The following CNTN4 variants were observed in gnomAD, a reference collection of about 807,000 sequenced individuals.
CNTN4 encodes contactin 4.
CNTN4 carries 77 observed loss-of-function variants against 122.5 expected under a neutral mutation model. The observed-to-expected ratio is 0.63, with a 90% CI of 0.52 to 0.76. The LOEUF is 0.76. Ranked by LOEUF, CNTN4 falls within the 30% of genes least tolerant of loss-of-function variation. The pLI, the probability that CNTN4 is intolerant of heterozygous loss-of-function variation, is 0.00. For missense variants in CNTN4, 1,256 were observed against 1,259.1 expected (o/e 1.00, Z 0.04); for synonymous variants, 512 against 447.0 (o/e 1.15, Z -1.83).
chr3:2,455,521 C>T (rs2048967083), intron 3 of CNTN4, among the ~76,000 whole-genome samples: 1 of 152,062 alleles, frequency 6.6e-6, no homozygotes, highest in African/African-American at 2.4e-5. Flanking sequence ...TACTTTACTT[C>T]CCATTACCGG....
chr3:2,546,602 T>A (rs2078255298), intron 3 of CNTN4, among the ~76,000 whole-genome samples: 1 of 152,080 alleles, frequency 6.6e-6, no homozygotes, highest in Non-Finnish European at 1.5e-5. Context: ...ACACACAGTT[T>A]ACCTATGTAA....
intron 6 of CNTN4, among the ~76,000 whole-genome samples, chr3:2,748,826 C>G (rs879502861): frequency 6.6e-6 from 1 of 152,118 alleles, no homozygotes; most frequent in Non-Finnish European, 1.5e-5. Flanking sequence ...TAGATCATTC[C>G]GCTTCCCTGC....
At chr3:2,381,621 C>G (rs1276197396) in intron 3 of CNTN4, among the ~76,000 whole-genome samples, 1 of 152,122 alleles carries the variant, frequency 6.6e-6, no homozygotes, top group African/African-American at 2.4e-5. Context: ...CCTTCTAAGT[C>G]TGTAGGTTAA....
chr3:2,745,718 G>C, intron 6 of CNTN4, 21 bp downstream of exon 6: 1 of 1,610,586 alleles, frequency 6.2e-7, no homozygotes, highest in Non-Finnish European at 8.5e-7. Context: ...ATTATACAAT[G>C]CTGCAAATGT....
chr3:2,773,652 G>A (rs918200220), intron 6 of CNTN4, among the ~76,000 whole-genome samples: 1 of 152,018 alleles, frequency 6.6e-6, no homozygotes, highest in South Asian at 2.1e-4. Context: ...CCTTGTCTAT[G>A]GATGGCAACT....
chr3:2,637,762 G>C (rs1181234917), intron 4 of CNTN4, among the ~76,000 whole-genome samples: 1 of 152,094 alleles, frequency 6.6e-6, no homozygotes, highest in African/African-American at 2.4e-5. Context: ...CCTAACCTCT[G>C]ATGTCCCTCT....
At chr3:2,415,798 C>CT (rs1053296504) in intron 3 of CNTN4, among the ~76,000 whole-genome samples, 20 of 151,908 alleles carry the variant, frequency 1.3e-4, no homozygotes, top group African/African-American at 3.4e-4. Flanking sequence ...TTATTCTCAC[C>CT]TTTTTTTTAA....
chr3:2,514,588 C>G (rs1047374610), intron 3 of CNTN4, among the ~76,000 whole-genome samples: 2 of 152,130 alleles, frequency 1.3e-5, no homozygotes, highest in Non-Finnish European at 2.9e-5. Context: ...AGTATACACT[C>G]CATTGGTTAT....
intron 7 of CNTN4, among the ~76,000 whole-genome samples, chr3:2,824,512 G>A (rs2092946012): frequency 6.6e-6 from 1 of 151,990 alleles, no homozygotes; most frequent in Non-Finnish European, 1.5e-5. Flanking sequence ...CTCACTCTGA[G>A]GCAGCACCAG....
intron 2 of CNTN4, among the ~76,000 whole-genome samples, chr3:2,223,937 A>G (rs917009654): frequency 1.3e-5 from 2 of 152,154 alleles, no homozygotes; most frequent in African/African-American, 4.8e-5. Context: ...ACACAAAGGG[A>G]TAGGAATTTG....
At position 2,781,938 on chromosome 3, in the gene CNTN4, T is replaced by G. The variant is rs555642326; in HGVS notation, c.358+36241T>G. ...CGGGGCTTCACCGTGTTAGCCAGGATGGTCTCGATCTCCTGACCTCGTGAT... is the reference window on the plus strand; with the variant it reads ...CGGGGCTTCACCGTGTTAGCCAGGAGGGTCTCGATCTCCTGACCTCGTGAT... On this transcript the variant is annotated intron_variant, in intron 6 of 24. Transcript: ENST00000418658. 2.0e-5 allele frequency among the ~76,000 whole-genome samples: 3 copies of G among 148,272 alleles called. No individual in the cohort carries two copies. In the South Asian group the frequency reaches 6.5e-4, roughly 32 times the overall value.
chr3:2,897,903 C>T (rs1289984823), intron 10 of CNTN4, among the ~76,000 whole-genome samples: 4 of 151,950 alleles, frequency 2.6e-5, no homozygotes, highest in Admixed American at 1.3e-4. Context: ...TGATATTAGG[C>T]GATAAATACC....
At chr3:2,606,966 CT>C (rs1250564263) in intron 4 of CNTN4, among the ~76,000 whole-genome samples, 1 of 152,168 alleles carries the variant, frequency 6.6e-6, no homozygotes, top group Non-Finnish European at 1.5e-5. Flanking sequence ...TAGCTCTATT[CT>C]TTTTCCATTG....
At chr3:2,866,592 C>G in intron 7 of CNTN4, 160 bp from the exon 8 acceptor site, 1 of 1,126,826 alleles carries the variant, frequency 8.9e-7, no homozygotes, top group East Asian at 2.6e-5. Context: ...TGGTAAAATG[C>G]CACGGGGGAC....
At chr3:2,765,220 G>C (rs1335783032) in intron 6 of CNTN4, among the ~76,000 whole-genome samples, 2 of 152,210 alleles carry the variant, frequency 1.3e-5, no homozygotes, top group African/African-American at 2.4e-5. Context: ...GTAGTACAAA[G>C]AGATAGAGGA....
intron 13 of CNTN4, among the ~76,000 whole-genome samples, chr3:2,965,010 GTA>G (rs1482359861): frequency 2.6e-5 from 4 of 152,212 alleles, no homozygotes; most frequent in African/African-American, 4.8e-5. Flanking sequence ...TTTCTGATGT[GTA>G]AATGGAATGA....
chr3:2,393,475 G>GT (rs1167900531), intron 3 of CNTN4, among the ~76,000 whole-genome samples: 8 of 151,968 alleles, frequency 5.3e-5, no homozygotes, highest in Admixed American at 4.6e-4. Flanking sequence ...GTACATTTCT[G>GT]TTTTTTACAG....
intron 10 of CNTN4, among the ~76,000 whole-genome samples, chr3:2,893,747 TCA>T (rs1373872169): frequency 6.6e-6 from 1 of 152,190 alleles, no homozygotes; most frequent in African/African-American, 2.4e-5. Flanking sequence ...AGGCAAAATG[TCA>T]CAGTTACATT....
At chr3:2,186,445 C>T (rs888146747) in intron 2 of CNTN4, among the ~76,000 whole-genome samples, 1 of 152,162 alleles carries the variant, frequency 6.6e-6, no homozygotes, top group Non-Finnish European at 1.5e-5. Flanking sequence ...AGTATATACC[C>T]ATTAATGGGA....
Sources: allele counts gnomAD v4.1 joint callset (sites outside exome capture counted in the v4.1 genomes callset), GRCh38; gene constraint gnomAD v4.1.1; transcripts MANE v1.5; gene names NCBI Gene and HGNC (gene_info 2026-07-23, HGNC 2026-07-21).